PELI3: variants seen among roughly 807,000 people sequenced by gnomAD.
The protein encoded by PELI3 is pellino E3 ubiquitin protein ligase family member 3.
Under a neutral mutation model 35.5 loss-of-function variants are expected in PELI3, and 19 were observed. The ratio of observed to expected loss-of-function variants is 0.54; its 90% confidence interval spans 0.37 to 0.79. The LOEUF is 0.79. Among genes scored for constraint, PELI3 ranks in the 30% least tolerant of loss-of-function variants. The pLI is 0.00. For synonymous variants in PELI3, 262 were observed against 279.2 expected (o/e 0.94, Z 0.62); for missense variants, 490 against 661.2 (o/e 0.74, Z 2.84).
intron 3 of PELI3, among the ~76,000 whole-genome samples, chr11:66,469,998 T>C (rs958262240): frequency 3.3e-5 from 5 of 151,918 alleles, no homozygotes; most frequent in Non-Finnish European, 5.9e-5. Context: ...CAGGGTTTTA[T>C]TATGTTGGCC....
In PELI3 at chr11:66,473,352, C is replaced by T. The variant is rs1197386172; in HGVS notation, c.568C>T (p.Arg190Cys). The T allele has an allele frequency of 3.7e-6, 6 of 1,613,472 alleles. 1 individual carries two copies. The highest frequency in any genetic ancestry group is 3.3e-5 in the South Asian group (3 of 91,086). The change falls in exon 6 of 8, where the codon CGC becomes TGC. Residue 190 changes from arginine to cysteine, a missense_variant. By Grantham distance (180) the Arg-to-Cys change is radical (BLOSUM62 -3). Coordinates refer to ENST00000320740, the MANE Select transcript of PELI3 (RefSeq NM_145065.3). This position sits in a 1 kb window ranked among gnomAD's most constrained non-coding sequence, Gnocchi z 5.8. ...GAGCACCATCTCCCGCTATGCCTGC[C>T]GCATCCTCTGTGACCGCCGGCCACC... ...AQSTISRYACRILCDRRPPYT... is the reference protein window; with the variant it reads ...AQSTISRYACCILCDRRPPYT...
At position 66,468,845 on chromosome 11, in the gene PELI3, A is replaced by G. The variant is rs767705527; in HGVS notation, c.165A>G (p.Glu55=). The G allele has an allele frequency of 4.5e-5, 35 of 780,026 alleles. No homozygotes were observed. Among genetic ancestry groups the G allele is most frequent in the Non-Finnish European group, 6.9e-5 (29 of 417,668 alleles). The allele number at this position is 780,026 out of a possible 1,614,324, so 48.3% of individuals were successfully genotyped here. A position where few individuals can be genotyped will look rare whatever the true frequency, so the allele number is the denominator to read the frequency against. Residue 55 remains glutamate (E), a synonymous_variant, in exon 3 of 8, where the codon GAA becomes GAG. Transcript: ENST00000320740. ...GELIVLGCCE[E]GGEETEAQRG... ...AATCTTCACAAAGATGCTGTGAGGA[A>G]GGAGGTGAGGAAACCGAGGCTCAGA...
chr11:66,475,627 C>T lies in PELI3; in HGVS notation c.870C>T (p.Asp290=), dbSNP rs756018771. The change falls in exon 8 of 8, where the codon GAC becomes GAT. Residue 290 remains aspartate, a synonymous_variant. Transcript: ENST00000320740. ...AAAACGAGTCCAACGTGCTGCAGGACGGCTCTCTCATCGACCTGTGTGGGG... is the reference window on the plus strand; with the variant it reads ...AAAACGAGTCCAACGTGCTGCAGGATGGCTCTCTCATCGACCTGTGTGGGG... ...LVENESNVLQ[D]GSLIDLCGAT... is the part of the protein sequence containing the mutation. The T allele has an allele frequency of 1.2e-5, 20 of 1,612,482 alleles. No homozygotes were observed. The African/African-American group carries it at 1.6e-4, about 13-fold the overall frequency.
At chr11:66,471,412 G>C in intron 4 of PELI3, 41 bp downstream of exon 4, 1 of 1,603,996 alleles carries the variant, frequency 6.2e-7, no homozygotes, top group South Asian at 1.1e-5. Flanking sequence ...TGCCCTCCCT[G>C]CCCAAGGCCC....
chr11:66,468,589 T>G (rs1050487509), intron 2 of PELI3, among the ~76,000 whole-genome samples: 3 of 152,250 alleles, frequency 2.0e-5, no homozygotes, highest in African/African-American at 7.2e-5. Context: ...ACTCTGGTTC[T>G]CCAGCAAAAC....
rs750949232 is a variant in PELI3, at chr11:66,468,248, G to C, written c.120G>C (p.Glu40Asp). The C allele has an allele frequency of 6.3e-7, 1 of 1,585,394 alleles. No homozygotes were observed. The highest frequency in any genetic ancestry group is 1.7e-5 in the Admixed American group (1 of 57,588). Reference sequence around the variant, plus strand: ...GTGAAGATGCGCAGCCAGGCGAGGAGCCCATCAAGTATGGTGAACTCATCG... The same window carrying C: ...GTGAAGATGCGCAGCCAGGCGAGGACCCCATCAAGTATGGTGAACTCATCG... ...SPGEDAQPGE[E>D]PIKYGELIVL... is the part of the protein sequence containing the mutation. The change falls in exon 2 of 8, where the codon GAG (glutamate) becomes GAC (aspartate). Residue 40 changes from glutamate to aspartate, a missense_variant. Glu to Asp is a conservative substitution (Grantham distance 45). Around this residue, in one of 3 missense-constraint regions of PELI3, gnomAD observed 137 missense variants for 157.1 expected, o/e 0.87. Coordinates refer to ENST00000320740, the MANE Select transcript of PELI3 (RefSeq NM_145065.3).
rs1244649825 is a variant in PELI3 at position 66,473,490 on chromosome 11, T to C, written c.651+55T>C. 6.5e-7 allele frequency: 1 copy of C among 1,540,332 alleles called. No individual in the cohort carries two copies. Among genetic ancestry groups the C allele is most frequent in the East Asian group, 2.3e-5 (1 of 43,832 alleles). ...TTCATCTGTGAGGCAAGGGGTAGGC[T>C]TGGGAGGTGCAGCATCTTGAGGTGA... is the stretch of plus-strand genomic sequence containing the variant. On this transcript the variant is annotated intron_variant, in intron 6 of 7. Transcript: ENST00000320740. This position sits in a 1 kb window ranked among gnomAD's most constrained non-coding sequence, Gnocchi z 5.8.
At chr11:66,472,563 A>G (rs1854761519) in intron 5 of PELI3, 93 bp downstream of exon 5, 3 of 1,040,674 alleles carry the variant, frequency 2.9e-6, no homozygotes, top group African/African-American at 3.2e-5. Flanking sequence ...AGGCCATGGG[A>G]AAGCTGCTTC....
intron 4 of PELI3, 46 bp downstream of exon 4, chr11:66,471,417 A>T (rs200701625): frequency 4.1e-5 from 65 of 1,602,882 alleles, no homozygotes; most frequent in Non-Finnish European, 2.2e-5. Context: ...TCCCTGCCCA[A>T]GGCCCAGGTC....
At chr11:66,471,834 C>T (rs1179021328) in intron 4 of PELI3, among the ~76,000 whole-genome samples, 4 of 152,180 alleles carry the variant, frequency 2.6e-5, no homozygotes, top group East Asian at 3.9e-4. Context: ...CCTGCAGTTT[C>T]TTCAACTCTA....
In PELI3 at chr11:66,476,133, G is replaced by A; in HGVS notation, c.1376G>A (p.Cys459Tyr). The change falls in exon 8 of 8, where the codon TGC becomes TAC. Residue 459 changes from cysteine (C) to tyrosine (Y), a missense_variant. By Grantham distance (194) the Cys-to-Tyr change is radical. Coordinates refer to ENST00000320740, the MANE Select transcript of PELI3 (RefSeq NM_145065.3). Reference sequence around the variant, plus strand: ...GCCTGGCTTACCGGCGAGCATGGCTGCGTCCGCCTCATTTTCCAGGGCCCG... The same window carrying A: ...GCCTGGCTTACCGGCGAGCATGGCTACGTCCGCCTCATTTTCCAGGGCCCG... ...CGAWLTGEHG[C>Y]VRLIFQGPLD The A allele has an allele frequency of 3.2e-6, 5 of 1,573,444 alleles. No homozygotes were observed. The highest frequency in any genetic ancestry group is 4.3e-6 in the Non-Finnish European group (5 of 1,164,934).
chr11:66,469,651 C>A (rs1426701748), intron 3 of PELI3, among the ~76,000 whole-genome samples: 3 of 152,228 alleles, frequency 2.0e-5, no homozygotes, highest in Non-Finnish European at 4.4e-5. Flanking sequence ...TGGGTATGGA[C>A]CCTCCTGTCA....
intron 4 of PELI3, among the ~76,000 whole-genome samples, 184 bp from the exon 5 acceptor site, chr11:66,472,185 T>G (rs1360931095): frequency 1.3e-5 from 2 of 152,106 alleles, no homozygotes; most frequent in African/African-American, 4.8e-5. Flanking sequence ...GATAACCCCA[T>G]CCTTAGGGTG....
chr11:66,470,106 G>C (rs1190426153), intron 3 of PELI3, among the ~76,000 whole-genome samples: 1 of 152,070 alleles, frequency 6.6e-6, no homozygotes, highest in Non-Finnish European at 1.5e-5. Context: ...GGCCTCATCT[G>C]GATTTTAACA....
chr11:66,474,209 T>G, intron 7 of PELI3: 1 of 618,350 alleles, frequency 1.6e-6, no homozygotes. Context: ...CCCAGGTGGC[T>G]TCAAGGCTGC....
Position 66,467,211 on chromosome 11 carries a change from G to A in PELI3, c.-2+184G>A, listed in dbSNP as rs1854563248. Among the ~76,000 whole-genome samples, 1 of 150,694 alleles carries A rather than the reference G, an allele frequency of 6.6e-6. No homozygotes were observed. The highest frequency in any genetic ancestry group is 2.4e-5 in the African/African-American group (1 of 41,220). On this transcript the variant is annotated intron_variant, in intron 1 of 7. Transcript: ENST00000320740. The surrounding 1 kb of genome is among the most constrained non-coding windows in gnomAD (Gnocchi z 4.2). ...GGTGGTCTCTGCGCCGTCCGGGCCCGGGGCGTGCGGGGCCGTGCACGCGCG... is the reference window on the plus strand; with the variant it reads ...GGTGGTCTCTGCGCCGTCCGGGCCCAGGGCGTGCGGGGCCGTGCACGCGCG...
At chr11:66,472,140 C>T (rs780692974) in intron 4 of PELI3, among the ~76,000 whole-genome samples, 1 of 151,830 alleles carries the variant, frequency 6.6e-6, no homozygotes, top group African/African-American at 2.4e-5. Context: ...TCCCAAAATG[C>T]TGGGATTACA....
Position 66,473,865 on chromosome 11 carries a change from G to A in PELI3, c.780G>A (p.Ser260=), listed in dbSNP as rs1397642428. The A allele has an allele frequency of 9.9e-6, 16 of 1,613,652 alleles. No individual in the cohort carries two copies. The highest frequency in any genetic ancestry group is 3.3e-5 in the Admixed American group (2 of 59,978). The change falls in exon 7 of 8, where the codon TCG becomes TCA. Residue 260 remains serine (S), a synonymous_variant. Transcript: ENST00000320740. This position sits in a 1 kb window ranked among gnomAD's most constrained non-coding sequence, Gnocchi z 5.8. The part of the protein sequence containing the change: ...DSAPGVWREI[S]VCGNVYTLRD... ...CCCCGGGTGTCTGGCGGGAGATCTC[G>A]GTCTGTGGGAATGTGTACACATTGC...
In PELI3 at chr11:66,473,870, G is replaced by T. The variant is rs1334690688; in HGVS notation, c.785G>T (p.Cys262Phe). The T allele has an allele frequency of 8.7e-6, 14 of 1,613,650 alleles. No homozygotes were observed. The highest frequency in any genetic ancestry group is 1.2e-5 in the Non-Finnish European group (14 of 1,180,018). ...APGVWREISVCGNVYTLRDSR... is the reference protein window; with the variant it reads ...APGVWREISVFGNVYTLRDSR... ...GGTGTCTGGCGGGAGATCTCGGTCT[G>T]TGGGAATGTGTACACATTGCGGGAC... Residue 262 changes from cysteine to phenylalanine, a missense_variant, in exon 7 of 8, where the codon TGT becomes TTT. Coordinates refer to ENST00000320740, the MANE Select transcript of PELI3 (RefSeq NM_145065.3). This position sits in a 1 kb window ranked among gnomAD's most constrained non-coding sequence, Gnocchi z 5.8.
Sources: gnomAD v4.1 joint callset for allele counts (sites outside exome capture counted in the v4.1 genomes callset) on GRCh38, gnomAD v4.1.1 for gene constraint, gnomAD v4.1.1 regional missense constraint, Gnocchi (gnomAD v3.1) non-coding constraint, MANE v1.5 for transcripts, NCBI Gene and HGNC (gene_info 2026-07-23, HGNC 2026-07-21) for gene names.